CBL: variants seen among roughly 807,000 people sequenced by gnomAD.
CBL encodes the protein E3 ubiquitin-protein ligase CBL.
In CBL, 45 loss-of-function variants were observed where a neutral mutation model predicts 96.9. The observed-to-expected ratio is 0.46, with a 90% CI of 0.37 to 0.60. The LOEUF (loss-of-function observed/expected upper bound fraction) is 0.60. Among genes scored for constraint, CBL ranks in the 20% least tolerant of loss-of-function variants. CBL has a pLI of 0.00. For missense variants in CBL, 1,024 were observed against 1,143.5 expected (o/e 0.90, Z 1.51); for synonymous variants, 420 against 426.8 (o/e 0.98, Z 0.20).
rs767027008 is a variant in CBL, at chr11:119,299,636, G to A, written c.2576G>A (p.Ser859Asn). The change falls in exon 16 of 16, where the codon AGT becomes AAT. Residue 859 changes from serine (S) to asparagine (N), a missense_variant. Coordinates refer to ENST00000264033, the MANE Select transcript of CBL (RefSeq NM_005188.4). ...GCCACCGCCTCACCTCAGCTCTCCA[G>A]TGAGATCGAGAACCTCATGAGTCAG... ...SAATASPQLS[S>N]EIENLMSQGY... is the part of the protein sequence containing the mutation. 2 of 1,614,212 alleles carry A rather than the reference G, an allele frequency of 1.2e-6. No individual in the cohort carries two copies. The highest frequency in any genetic ancestry group is 1.1e-5 in the South Asian group (1 of 91,088).
chr11:119,254,758 C>T (rs1350544223), intron 2 of CBL, among the ~76,000 whole-genome samples: 5 of 152,040 alleles, frequency 3.3e-5, no homozygotes, highest in Non-Finnish European at 5.9e-5. Flanking sequence ...TGCACCACCA[C>T]GCCCAGCTAA....
intron 2 of CBL, among the ~76,000 whole-genome samples, chr11:119,269,136 C>G (rs1364739748): frequency 6.6e-6 from 1 of 151,508 alleles, no homozygotes; most frequent in Non-Finnish European, 1.5e-5. Context: ...TATTCTTGAT[C>G]TTGTCTATTT....
chr11:119,268,618 T>C (rs530606152), intron 2 of CBL, among the ~76,000 whole-genome samples: 1 of 152,300 alleles, frequency 6.6e-6, no homozygotes, highest in East Asian at 1.9e-4. Flanking sequence ...CTAAGTAGTT[T>C]TTAAAGCCCT....
chr11:119,253,891 C>T (rs919463071), intron 2 of CBL, among the ~76,000 whole-genome samples: 5 of 148,666 alleles, frequency 3.4e-5, no homozygotes, highest in East Asian at 4.0e-4. Flanking sequence ...TGTTGGCTCA[C>T]GTTTGTAAGT....
At chr11:119,255,144 T>A (rs1949701672) in intron 2 of CBL, among the ~76,000 whole-genome samples, 1 of 152,056 alleles carries the variant, frequency 6.6e-6, no homozygotes, top group Admixed American at 6.6e-5. Context: ...ATAAGTGAAG[T>A]TAAAAAGCGT....
intron 1 of CBL, among the ~76,000 whole-genome samples, chr11:119,228,058 C>CTT (rs967696815): frequency 1.4e-5 from 2 of 145,990 alleles, no homozygotes; most frequent in East Asian, 2.0e-4. Context: ...TATGCTCACT[C>CTT]TTTTTTTTTT....
chr11:119,210,767 G>C (rs1949310197), intron 1 of CBL, among the ~76,000 whole-genome samples: 1 of 151,810 alleles, frequency 6.6e-6, no homozygotes, highest in Non-Finnish European at 1.5e-5. Flanking sequence ...TTTAGTAAGA[G>C]ACTTTAAATT....
rs570301290 is a variant in CBL, at chr11:119,249,726, C to G, written c.443+17031C>G. Among the ~76,000 whole-genome samples the G allele has an allele frequency of 5.3e-5, 8 of 151,180 alleles. No individual in the cohort carries two copies. In the South Asian group the frequency reaches 8.3e-4, roughly 16 times the overall value. ...TATCTCCCAGGTGGTATGATCATGA[C>G]TCACTGCAGTCTCAGCCTCCTGGGC... On this transcript the variant is annotated intron_variant, in intron 2 of 15. Transcript: ENST00000264033.
rs749909542 is a variant in CBL, at chr11:119,285,564, A to G, written c.1939A>G (p.Met647Val). The G allele has an allele frequency of 2.5e-6, 4 of 1,613,902 alleles. No individual in the cohort carries two copies. Among genetic ancestry groups the G allele is most frequent in the South Asian group, 2.2e-5 (2 of 91,074 alleles). The change falls in exon 11 of 16, where the codon ATG (methionine) becomes GTG (valine). Residue 647 changes from methionine (M) to valine (V), a missense_variant and splice_region_variant. Transcript: ENST00000264033. ...AAGCACGTTCAGTCTGGATACCTCC[A>G]TGGTGAGTCTTAATTTTGAAACTAT... ...LGSTFSLDTS[M>V]SMNSSPLVGP...
intron 1 of CBL, among the ~76,000 whole-genome samples, chr11:119,207,793 C>G (rs1380564617): frequency 1.3e-5 from 2 of 152,148 alleles, no homozygotes; most frequent in African/African-American, 4.8e-5. Context: ...GTTATTTCCT[C>G]CAGGGTAAAA....
rs915419343 is a variant in CBL at position 119,307,364 on chromosome 11, T to G, written c.*7583T>G. ...TCGAGGAGTATAGGATGGACTCTCCTGAGAAGGGGAGGTTGGTGGCTTTGT... is the reference window on the plus strand; with the variant it reads ...TCGAGGAGTATAGGATGGACTCTCCGGAGAAGGGGAGGTTGGTGGCTTTGT... On this transcript the variant is annotated 3_prime_UTR_variant, in exon 16 of 16. Coordinates refer to ENST00000264033, the MANE Select transcript of CBL (RefSeq NM_005188.4). 4.3e-6 allele frequency: 1 copy of G among 233,372 alleles called. No homozygotes were observed. The highest frequency in any genetic ancestry group is 8.5e-6 in the Non-Finnish European group (1 of 117,886). The allele number at this position is 233,372 out of a possible 1,614,324, so 14.5% of individuals were successfully genotyped here. A position where few individuals can be genotyped will look rare whatever the true frequency, so the allele number is the denominator to read the frequency against.
chr11:119,217,416 A>G (rs191094057), intron 1 of CBL, among the ~76,000 whole-genome samples: 1 of 152,126 alleles, frequency 6.6e-6, no homozygotes, highest in Non-Finnish European at 1.5e-5. Context: ...TGCAGCCCAT[A>G]TTTTTGTTTT....
At chr11:119,241,805 A>G (rs1036864356) in intron 2 of CBL, among the ~76,000 whole-genome samples, 4 of 152,200 alleles carry the variant, frequency 2.6e-5, no homozygotes, top group African/African-American at 9.7e-5. Flanking sequence ...TTTTCAGTCC[A>G]TGAGAGAGAC....
intron 2 of CBL, among the ~76,000 whole-genome samples, chr11:119,253,988 C>CAA (rs55881003): frequency 1.2e-3 from 81 of 66,950 alleles, no homozygotes; most frequent in African/African-American, 1.4e-3. Flanking sequence ...GACCTTGACT[C>CAA]AAAAAAAAAA....
Position 119,276,222 on chromosome 11 carries a change from T to C in CBL, c.1007+88T>C, listed in dbSNP as rs1012897400. 1.3e-5 allele frequency: 17 copies of C among 1,306,316 alleles called. No homozygotes were observed. The Admixed American group carries it at 2.7e-4, about 21-fold the overall frequency. The allele number at this position is 1,306,316 out of a possible 1,614,324, so 80.9% of individuals were successfully genotyped here. A position where few individuals can be genotyped will look rare whatever the true frequency, so the allele number is the denominator to read the frequency against. On this transcript the variant is annotated intron_variant, in intron 6 of 15. Coordinates refer to ENST00000264033, the MANE Select transcript of CBL (RefSeq NM_005188.4). ...ATTAATGACTTTATTCCAGGTTTCTTAAACTGCAGACTAAGATTCAGGAAA... is the reference window on the plus strand; with the variant it reads ...ATTAATGACTTTATTCCAGGTTTCTCAAACTGCAGACTAAGATTCAGGAAA...
At chr11:119,266,018 CAAAA>C (rs398017759) in intron 2 of CBL, among the ~76,000 whole-genome samples, 7 of 76,036 alleles carry the variant, frequency 9.2e-5, no homozygotes, top group East Asian at 4.9e-4. Context: ...GACTCCATCT[CAAAA>C]AAAAAAAAAA....
intron 15 of CBL, 130 bp from the exon 16 acceptor site, chr11:119,299,365 T>C (rs1360099002): frequency 6.1e-6 from 5 of 820,224 alleles, no homozygotes; most frequent in African/African-American, 1.7e-5. Flanking sequence ...AACCCAGCCT[T>C]GTGACTGAAG....
chr11:119,206,930 C>T (rs1445744265), intron 1 of CBL, among the ~76,000 whole-genome samples: 1 of 150,702 alleles, frequency 6.6e-6, no homozygotes, highest in East Asian at 1.9e-4. Context: ...ATGAGGGGTG[C>T]GGAGTTTGGG....
intron 2 of CBL, among the ~76,000 whole-genome samples, chr11:119,266,087 T>G (rs551464406): frequency 6.6e-6 from 1 of 151,502 alleles, no homozygotes; most frequent in Non-Finnish European, 1.5e-5. Context: ...GTCCAGCTAT[T>G]CAGGAGGCTG....
Sources: gnomAD v4.1 joint callset for allele counts (sites outside exome capture counted in the v4.1 genomes callset) on GRCh38, gnomAD v4.1.1 for gene constraint, MANE v1.5 for transcripts, NCBI Gene and HGNC (gene_info 2026-07-23, HGNC 2026-07-21) for gene names.